SLC2A7: variants seen among roughly 807,000 people sequenced by gnomAD.
The protein encoded by SLC2A7 is solute carrier family 2, facilitated glucose transporter member 7.
SLC2A7 carries 50 observed loss-of-function variants against 50.5 expected under a neutral mutation model. That is an observed-to-expected ratio of 0.99 (90% CI 0.79 to 1.25). The LOEUF (loss-of-function observed/expected upper bound fraction) is 1.25. SLC2A7 is among the 50% of genes most tolerant of loss of function. SLC2A7 has a pLI of 0.00. For synonymous variants in SLC2A7, 308 were observed against 300.4 expected (o/e 1.03, Z -0.26); for missense variants, 683 against 679.1 (o/e 1.01, Z -0.06).
Position 9,008,222 on chromosome 1 carries a change from G to A in SLC2A7, c.1117-837C>T, listed in dbSNP as rs557918000. On this transcript the variant is annotated intron_variant, in intron 9 of 11. Transcript: ENST00000400906. The surrounding 1 kb of genome is among the most constrained non-coding windows in gnomAD (Gnocchi z 5.9). ...AACCCTGTAGTCACAGTTATGAGAC[G>A]GCCTCAAGGGACAAGTTGGCAGCAG... Among the ~76,000 whole-genome samples, 45 of 152,234 alleles carry A rather than the reference G, an allele frequency of 3.0e-4. No homozygotes were observed. The highest frequency in any genetic ancestry group is 6.2e-4 in the South Asian group (3 of 4,822).
intron 9 of SLC2A7, 53 bp from the exon 10 acceptor site, chr1:9,007,438 G>T: frequency 1.3e-6 from 2 of 1,582,812 alleles, no homozygotes; most frequent in Non-Finnish European, 1.7e-6. Flanking sequence ...CCACGTGCGG[G>T]GGGGTCCACC....
At chr1:8,995,085 T>C in the SLC2A7 span, among the ~76,000 whole-genome samples, 2 of 151,248 alleles carry the variant, frequency 1.3e-5, no homozygotes, top group African/African-American at 4.9e-5. Flanking sequence ...CTCCTGATTA[T>C]TTTCAAGGTC....
chr1:9,011,039 C>T (rs61785784), intron 8 of SLC2A7, among the ~76,000 whole-genome samples: 5,626 of 152,356 alleles, frequency 0.037, 345 homozygotes, highest in African/African-American at 0.13. Context: ...GCCCTAACAC[C>T]CTGGGGGCCA....
At chr1:8,995,334 G>A in the SLC2A7 span, among the ~76,000 whole-genome samples, 3 of 151,798 alleles carry the variant, frequency 2.0e-5, no homozygotes, top group African/African-American at 7.3e-5. Flanking sequence ...TGTAGTCCCA[G>A]CTACTTGGGA....
chr1:9,001,621 T>C (rs1640576661), downstream of SLC2A7, among the ~76,000 whole-genome samples: 1 of 152,094 alleles, frequency 6.6e-6, no homozygotes, highest in South Asian at 2.1e-4. Flanking sequence ...TTTCATTGTG[T>C]TGCCCAGGCT....
At chr1:8,994,330 T>C in the SLC2A7 span, among the ~76,000 whole-genome samples, 2 of 152,308 alleles carry the variant, frequency 1.3e-5, no homozygotes, top group South Asian at 4.1e-4. Flanking sequence ...GATTAGTGAA[T>C]CTGTGTAAGC....
At position 9,014,633 on chromosome 1, in the gene SLC2A7, C is replaced by T. The variant is rs1378716313; in HGVS notation, c.903+48G>A. ...GAACTGTGTGTTGCTATCCATGAAG[C>T]CTGGGTCTGCTTCATCTGTCTCCCT... On this transcript the variant is annotated intron_variant, in intron 7 of 11. Transcript: ENST00000400906. 2.6e-6 allele frequency: 4 copies of T among 1,547,398 alleles called. No homozygotes were observed. The South Asian group carries it at 3.6e-5, about 14-fold the overall frequency.
chr1:9,015,242 C>A lies in SLC2A7; in HGVS notation c.590G>T (p.Gly197Val). Residue 197 changes from glycine (G) to valine (V), a missense_variant and splice_region_variant, in exon 6 of 12, where the codon GGC (glycine) becomes GTC (valine). Physicochemically the swap from Gly to Val is moderately radical, Grantham distance 109 (BLOSUM62 -3). Coordinates refer to ENST00000400906, the MANE Select transcript of SLC2A7 (RefSeq NM_207420.3). ...SLQAILGNPA[G>V]WPVLLALTGV... ...TGTGAGCGCCAGAAGCACCGGCCAG[C>A]CTGCAAGGAGCCAAGGACTCAGGAT... The A allele has an allele frequency of 6.3e-7, 1 of 1,590,038 alleles. No individual in the cohort carries two copies. The highest frequency in any genetic ancestry group is 1.7e-5 in the Admixed American group (1 of 57,698).
intron 7 of SLC2A7, among the ~76,000 whole-genome samples, chr1:9,014,467 G>A (rs551434537): frequency 5.3e-5 from 8 of 152,312 alleles, no homozygotes; most frequent in African/African-American, 1.9e-4. Context: ...TTCCTTCTGG[G>A]GACTGGGAAA....
At chr1:9,009,614 A>C (rs1407916402) in intron 9 of SLC2A7, among the ~76,000 whole-genome samples, 1 of 152,086 alleles carries the variant, frequency 6.6e-6, no homozygotes, top group Non-Finnish European at 1.5e-5. Flanking sequence ...ACACCACCAC[A>C]CCCAGAAAAC....
rs748792647 is a variant in SLC2A7, at chr1:9,015,104, G to A, written c.715+13C>T. 45 of 1,612,422 alleles carry A rather than the reference G, an allele frequency of 2.8e-5. No homozygotes were observed. Among genetic ancestry groups the A allele is most frequent in the African/African-American group, 4.0e-5 (3 of 74,892 alleles). ...GTGGGCAGGGCCTGGGAGAGTAGCC[G>A]GCGACTTCATACCTTGTCGCGCTGT... On this transcript the variant is annotated intron_variant, in intron 6 of 11. Transcript: ENST00000400906.
intron 8 of SLC2A7, 90 bp from the exon 9 acceptor site, chr1:9,010,334 T>G: frequency 1.1e-6 from 1 of 937,020 alleles, no homozygotes. Context: ...TGGGCCCCTC[T>G]TAGGTGCCCC....
intron 10 of SLC2A7, among the ~76,000 whole-genome samples, 193 bp downstream of exon 10, chr1:9,007,117 C>G (rs1640663517): frequency 6.6e-6 from 1 of 152,214 alleles, no homozygotes; most frequent in African/African-American, 2.4e-5. Context: ...GCTGGCCTGG[C>G]TGGCGCTGGT....
At chr1:9,009,617 C>T (rs1640713627) in intron 9 of SLC2A7, among the ~76,000 whole-genome samples, 1 of 152,164 alleles carries the variant, frequency 6.6e-6, no homozygotes, top group African/African-American at 2.4e-5. Context: ...CCACCACACC[C>T]AGAAAACGTT....
In SLC2A7 at chr1:9,025,068, G is replaced by A. The variant is rs562627202; in HGVS notation, c.58C>T (p.Gln20Ter). ...AGTGTCGCCAGCAACAGCGTCGGCT[G>A]GAGCCGCTGTAGGAGACAAGTCCAA... ...PPIPSREGRL[Q>*]PTLLLATLSA... The change falls in exon 2 of 12, where the codon CAG becomes TAG. Residue 20 changes from glutamine to a stop codon, truncating the protein, a stop_gained. Coordinates refer to ENST00000400906, the MANE Select transcript of SLC2A7 (RefSeq NM_207420.3). LOFTEE classifies it high-confidence loss of function. 21 of 1,613,702 alleles carry A rather than the reference G, an allele frequency of 1.3e-5. No individual in the cohort carries two copies. The East Asian group carries it at 2.2e-4, about 17-fold the overall frequency.
Position 9,008,757 on chromosome 1 carries a change from C to T in SLC2A7, c.1117-1372G>A, listed in dbSNP as rs759837925. Among the ~76,000 whole-genome samples, 5 of 152,032 alleles carry T rather than the reference C, an allele frequency of 3.3e-5. No homozygotes were observed. Among genetic ancestry groups the T allele is most frequent in the African/African-American group, 7.2e-5 (3 of 41,396 alleles). On this transcript the variant is annotated intron_variant, in intron 9 of 11. Transcript: ENST00000400906. The surrounding 1 kb of genome is among the most constrained non-coding windows in gnomAD (Gnocchi z 5.9). ...GATTACAGGCACACGCCACCACACC[C>T]GACTAAATTTTGTATTTTTAATAGA...
In SLC2A7 at chr1:9,008,927, G is replaced by C. The variant is rs189846268; in HGVS notation, c.1116+1216C>G. 1.1e-4 allele frequency among the ~76,000 whole-genome samples: 16 copies of C among 152,322 alleles called. No individual in the cohort carries two copies. The highest frequency in any genetic ancestry group is 4.6e-4 in the Admixed American group (7 of 15,292). ...TTATACTGGTTTTAAAATTAAAGAAGAAAGTTCTTTCCGAGGGAAACTTTA... is the reference window on the plus strand; with the variant it reads ...TTATACTGGTTTTAAAATTAAAGAACAAAGTTCTTTCCGAGGGAAACTTTA... On this transcript the variant is annotated intron_variant, in intron 9 of 11. Transcript: ENST00000400906. This position sits in a 1 kb window ranked among gnomAD's most constrained non-coding sequence, Gnocchi z 5.9.
intron 10 of SLC2A7, among the ~76,000 whole-genome samples, chr1:9,005,731 G>A (rs1285102209): frequency 3.5e-4 from 52 of 150,492 alleles, no homozygotes; most frequent in Admixed American, 3.2e-3. Context: ...TGTTGAACTC[G>A]GGAGATGGAG....
At chr1:9,022,549 T>C (rs1388638668) in intron 3 of SLC2A7, among the ~76,000 whole-genome samples, 1 of 152,068 alleles carries the variant, frequency 6.6e-6, no homozygotes, top group African/African-American at 2.4e-5. Context: ...CTGCAGCGCT[T>C]AGAACTTGGA....
Sources: allele counts gnomAD v4.1 joint callset (sites outside exome capture counted in the v4.1 genomes callset), GRCh38; gene constraint gnomAD v4.1.1; non-coding constraint Gnocchi (gnomAD v3.1); transcripts MANE v1.5; gene names NCBI Gene and HGNC (gene_info 2026-07-23, HGNC 2026-07-21).